The following CSMD1 variants were observed in gnomAD, a reference collection of about 807,000 sequenced individuals.
CSMD1 encodes CUB and Sushi multiple domains 1, also known as CUB and sushi domain-containing protein 1.
Under a neutral mutation model 417.5 loss-of-function variants are expected in CSMD1, and 213 were observed. The observed-to-expected ratio is 0.51, with a 90% CI of 0.46 to 0.57. The LOEUF is 0.57. CSMD1 is among the 20% of genes least tolerant of loss of function. CSMD1 has a pLI of 0.00. For missense variants in CSMD1, 6,923 were observed against 4,529.7 expected (o/e 1.53, Z -15.17); for synonymous variants, 2,862 against 1,736.8 (o/e 1.65, Z -16.11).
chr8:3,411,725 CATAT>C (rs1812725164), intron 12 of CSMD1, among the ~76,000 whole-genome samples: 2 of 119,004 alleles, frequency 1.7e-5, no homozygotes, highest in South Asian at 2.8e-4. Context: ...TATACACGTA[CATAT>C]ATACACGTGT....
chr8:3,551,017 A>C (rs1478548451), intron 10 of CSMD1, among the ~76,000 whole-genome samples: 1 of 152,198 alleles, frequency 6.6e-6, no homozygotes, highest in South Asian at 2.1e-4. Flanking sequence ...GCAATGCATT[A>C]GTCAGGATCA....
chr8:3,696,532 T>C (rs1800563859), intron 7 of CSMD1, among the ~76,000 whole-genome samples: 1 of 152,192 alleles, frequency 6.6e-6, no homozygotes, highest in Admixed American at 6.5e-5. Flanking sequence ...AATATAATCA[T>C]TTGGTGTAAT....
intron 18 of CSMD1, among the ~76,000 whole-genome samples, chr8:3,382,811 T>C (rs78491796): frequency 6.6e-6 from 1 of 151,886 alleles, no homozygotes; most frequent in Non-Finnish European, 1.5e-5. Context: ...TTTTACATCT[T>C]TAATAGAATA....
intron 1 of CSMD1, among the ~76,000 whole-genome samples, chr8:4,804,296 G>T (rs1161692475): frequency 6.6e-6 from 1 of 152,068 alleles, no homozygotes; most frequent in Non-Finnish European, 1.5e-5. Context: ...CAACAGAGCA[G>T]AAGCAATTAA....
chr8:4,354,839 A>G (rs899976252), intron 3 of CSMD1, among the ~76,000 whole-genome samples: 5 of 147,830 alleles, frequency 3.4e-5, no homozygotes, highest in African/African-American at 1.0e-4. Context: ...AGCTCTCACT[A>G]GAGGGCAGGT....
chr8:3,834,753 G>C (rs1019466318), intron 5 of CSMD1, among the ~76,000 whole-genome samples: 1 of 152,048 alleles, frequency 6.6e-6, no homozygotes, highest in Admixed American at 6.6e-5. Flanking sequence ...GTGGAGCCAA[G>C]ATGGCGGAAT....
At chr8:3,462,505 G>C (rs563857537) in intron 12 of CSMD1, among the ~76,000 whole-genome samples, 118 of 152,250 alleles carry the variant, frequency 7.8e-4, no homozygotes, top group Non-Finnish European at 1.3e-4. Context: ...GCACATGCGA[G>C]GGATCTAGGC....
At chr8:3,875,580 G>A (rs1161897979) in intron 5 of CSMD1, among the ~76,000 whole-genome samples, 2 of 152,178 alleles carry the variant, frequency 1.3e-5, no homozygotes, top group Non-Finnish European at 2.9e-5. Flanking sequence ...TGTTTTATTG[G>A]AGAGGAGTCC....
At chr8:3,382,536 T>TATATATATAA (rs1563330892) in intron 18 of CSMD1, among the ~76,000 whole-genome samples, 1 of 116,474 alleles carries the variant, frequency 8.6e-6, no homozygotes, top group African/African-American at 3.2e-5. Context: ...TATAAATATA[T>TATATATATAA]ATTTATTATT....
intron 7 of CSMD1, among the ~76,000 whole-genome samples, chr8:3,618,198 G>A (rs768580538): frequency 6.6e-6 from 1 of 152,098 alleles, no homozygotes; most frequent in East Asian, 1.9e-4. Flanking sequence ...TAGAGATGGA[G>A]TCTCACTATG....
intron 6 of CSMD1, among the ~76,000 whole-genome samples, chr8:3,724,567 C>T (rs1029586058): frequency 1.1e-4 from 16 of 152,050 alleles, no homozygotes; most frequent in African/African-American, 3.4e-4. Context: ...AGCACCCTTC[C>T]TCTGGGCTGG....
rs569383670 is a variant in CSMD1, at chr8:4,573,007, A to G, written c.302+64335T>C. 3.9e-5 allele frequency among the ~76,000 whole-genome samples: 6 copies of G among 152,272 alleles called. No individual in the cohort carries two copies. In the South Asian group the frequency reaches 1.2e-3, roughly 32 times the overall value. ...CTTCTCTAAACTAGTTATTCAAGTG[A>G]GCAGTTCCTGTAATCTTTTATCAAG... On this transcript the variant is annotated intron_variant, in intron 2 of 69. Coordinates refer to ENST00000635120, the MANE Select transcript of CSMD1 (RefSeq NM_033225.6).
intron 2 of CSMD1, among the ~76,000 whole-genome samples, chr8:4,535,566 G>T (rs960250926): frequency 6.6e-6 from 1 of 151,992 alleles, no homozygotes; most frequent in Non-Finnish European, 1.5e-5. Context: ...CAAGTTACTC[G>T]TAGGTTAACC....
intron 2 of CSMD1, among the ~76,000 whole-genome samples, chr8:4,575,055 T>A (rs931684727): frequency 1.3e-5 from 2 of 152,222 alleles, no homozygotes; most frequent in Non-Finnish European, 2.9e-5. Flanking sequence ...TTTAAAAGTA[T>A]ACTTGTAATT....
intron 3 of CSMD1, among the ~76,000 whole-genome samples, chr8:4,156,438 A>C (rs566941356): frequency 6.6e-6 from 1 of 152,168 alleles, no homozygotes; most frequent in South Asian, 2.1e-4. Context: ...GAAAGAAAGG[A>C]TAAATATGCT....
chr8:4,572,283 C>T (rs1167454698), intron 2 of CSMD1, among the ~76,000 whole-genome samples: 1 of 152,156 alleles, frequency 6.6e-6, no homozygotes, highest in African/African-American at 2.4e-5. Context: ...TTTAGTGCTT[C>T]CTTCAGGAGC....
chr8:3,603,930 G>A (rs1410113127), intron 8 of CSMD1, among the ~76,000 whole-genome samples: 3 of 152,144 alleles, frequency 2.0e-5, no homozygotes, highest in African/African-American at 7.2e-5. Flanking sequence ...AGAAACAGCA[G>A]CTTTTTTATT....
intron 3 of CSMD1, among the ~76,000 whole-genome samples, chr8:4,318,719 A>G (rs560145466): frequency 1.3e-4 from 20 of 151,702 alleles, no homozygotes; most frequent in African/African-American, 4.6e-4. Context: ...ATCTCAAAAA[A>G]AAAAAAAAGC....
rs758838150 is a variant in CSMD1 at position 4,609,430 on chromosome 8, T to C, written c.302+27912A>G. 5.1e-4 allele frequency among the ~76,000 whole-genome samples: 78 copies of C among 152,214 alleles called. 1 individual carries two copies. In the Middle Eastern group the frequency reaches 0.01, roughly 20 times the overall value. ...AAACAAAAGAGATGAAAGCTGATGA[T>C]CTAAAGCCTCATTCCTAGCTGGGGT... On this transcript the variant is annotated intron_variant, in intron 2 of 69. Coordinates refer to ENST00000635120, the MANE Select transcript of CSMD1 (RefSeq NM_033225.6).
Sources: allele counts gnomAD v4.1 joint callset (sites outside exome capture counted in the v4.1 genomes callset), GRCh38; gene constraint gnomAD v4.1.1; transcripts MANE v1.5; gene names NCBI Gene and HGNC (gene_info 2026-07-23, HGNC 2026-07-21).